Variants in VWC2 observed in about 807,000 individuals in gnomAD.
VWC2 encodes the protein brorin.
A neutral mutation model predicts 29.8 loss-of-function variants in VWC2; 14 were observed. The ratio of observed to expected loss-of-function variants is 0.47; its 90% CI spans 0.31 to 0.74. The LOEUF (loss-of-function observed/expected upper bound fraction) is 0.74. Among genes scored for constraint, VWC2 ranks in the 30% least tolerant of loss-of-function variants. The probability of loss-of-function intolerance (pLI) is 0.05; values close to 1 mark genes in which losing one functional copy is unlikely to be tolerated. For synonymous variants in VWC2, 213 were observed against 199.0 expected, an observed-to-expected ratio of 1.07 and a Z score of -0.59; for missense variants, 457 against 459.8, an observed-to-expected ratio of 0.99 and a Z score of 0.05.
chr7:49,804,285 C>G (rs1323736646), intron 3 of VWC2, among the ~76,000 whole-genome samples: 1 of 151,214 alleles, frequency 6.6e-6, no homozygotes, highest in African/African-American at 2.4e-5. Context: ...GAAGAAGACT[C>G]TGGGATTGGG....
intron 2 of VWC2, among the ~76,000 whole-genome samples, chr7:49,793,587 T>C (rs1316119297): frequency 6.6e-6 from 1 of 152,238 alleles, no homozygotes; most frequent in Admixed American, 6.5e-5. Context: ...GCAACTTTTT[T>C]TTCCTGTTTA....
In VWC2 at chr7:49,879,439, A is replaced by G. The variant is rs564368379; in HGVS notation, c.827-32595A>G. On this transcript the variant is annotated intron_variant, in intron 3 of 3. Transcript: ENST00000340652. ...TTATCCGGAGAGGGTTTATATGTGC[A>G]GGTACCAGACAGCATGCCATGTAAT... Among the ~76,000 whole-genome samples, 82 of 152,320 alleles carry G rather than the reference A, an allele frequency of 5.4e-4. 1 individual carries two copies. The South Asian group carries it at 0.017, about 31-fold the overall frequency.
intron 3 of VWC2, among the ~76,000 whole-genome samples, chr7:49,863,705 A>G (rs954192649): frequency 1.3e-5 from 2 of 152,178 alleles, no homozygotes; most frequent in African/African-American, 2.4e-5. Flanking sequence ...TGCTGGGATT[A>G]GAGACGTGAG....
intron 3 of VWC2, among the ~76,000 whole-genome samples, chr7:49,859,544 C>T (rs1045573720): frequency 4.6e-5 from 7 of 152,172 alleles, no homozygotes. Flanking sequence ...CAATGGGACC[C>T]TCAGTACATC....
chr7:49,917,745 T>A lies in VWC2; in HGVS notation c.*5560T>A, dbSNP rs1370292896. On this transcript the variant is annotated 3_prime_UTR_variant, in exon 4 of 4. Coordinates refer to ENST00000340652, the MANE Select transcript of VWC2 (RefSeq NM_198570.5). ...TTAAAGTGTATTTAGATGATTAATA[T>A]TTAATGATCATTATTTTATTTAATG... 2.0e-5 allele frequency: 3 copies of A among 152,206 alleles called. No individual in the cohort carries two copies. The highest frequency in any genetic ancestry group is 6.5e-5 in the Admixed American group (1 of 15,282). 9.4% of individuals were successfully genotyped at this position (152,206 alleles called of 1,614,324 possible).
Position 49,913,558 on chromosome 7 carries a change from T to C in VWC2, c.*1373T>C, listed in dbSNP as rs1450337758. On this transcript the variant is annotated 3_prime_UTR_variant, in exon 4 of 4. Coordinates refer to ENST00000340652, the MANE Select transcript of VWC2 (RefSeq NM_198570.5). ...TCTAAAGGTATTTTTCATATTTTTG[T>C]TTATTCTGAAATTTTGCATTAAGAA... The C allele has an allele frequency of 6.6e-6, 1 of 152,200 alleles. No homozygotes were observed. Among genetic ancestry groups the C allele is most frequent in the Non-Finnish European group, 1.5e-5 (1 of 68,038 alleles). 9.4% of individuals were successfully genotyped at this position (152,200 alleles called of 1,614,324 possible). A position where few individuals can be genotyped will look rare whatever the true frequency, so the allele number is the denominator to read the frequency against.
intron 3 of VWC2, among the ~76,000 whole-genome samples, chr7:49,804,333 T>C (rs1000689917): frequency 6.6e-6 from 1 of 152,122 alleles, no homozygotes; most frequent in South Asian, 2.1e-4. Flanking sequence ...AGAGTCTCGG[T>C]GTGGCTTTCA....
chr7:49,866,094 C>T (rs1400133627), intron 3 of VWC2, among the ~76,000 whole-genome samples: 1 of 152,156 alleles, frequency 6.6e-6, no homozygotes, highest in Non-Finnish European at 1.5e-5. Flanking sequence ...CGGTTTCATT[C>T]TTCCATCCAG....
chr7:49,866,187 A>G (rs986004025), intron 3 of VWC2, among the ~76,000 whole-genome samples: 2 of 152,254 alleles, frequency 1.3e-5, no homozygotes, highest in South Asian at 2.1e-4. Flanking sequence ...TCACTTGCTT[A>G]TCTTATCAGA....
chr7:49,900,980 C>T (rs1459932747), intron 3 of VWC2: 2 of 151,750 alleles, frequency 1.3e-5, no homozygotes, highest in African/African-American at 4.8e-5. Context: ...GAAGAAAAAT[C>T]ACGATGATAT....
chr7:49,895,686 GTCTC>G (rs1213688102), intron 3 of VWC2, among the ~76,000 whole-genome samples: 3 of 151,870 alleles, frequency 2.0e-5, no homozygotes, highest in Admixed American at 6.6e-5. Flanking sequence ...TGGACTAATA[GTCTC>G]TCTGAGTCTC....
chr7:49,872,131 C>T (rs1284415043), intron 3 of VWC2, among the ~76,000 whole-genome samples: 1 of 151,848 alleles, frequency 6.6e-6, no homozygotes, highest in Non-Finnish European at 1.5e-5. Context: ...ATATGGAAAG[C>T]AATTAAAAAT....
chr7:49,789,454 TACAC>T lies in VWC2; in HGVS notation c.697-13254_697-13251del, dbSNP rs1234850677. On this transcript the variant is annotated intron_variant, in intron 2 of 3. Transcript: ENST00000340652. ...GGCCACAGTCCCCACCACTCCTTAT[TACAC>T]ACTTAGTTCATGGCCTCATTTTCTT... 4.6e-5 allele frequency among the ~76,000 whole-genome samples: 7 copies of T among 152,190 alleles called. No individual in the cohort carries two copies. In the East Asian group the frequency reaches 1.4e-3, roughly 29 times the overall value.
chr7:49,819,655 G>A (rs1326411001), intron 3 of VWC2, among the ~76,000 whole-genome samples: 1 of 152,192 alleles, frequency 6.6e-6, no homozygotes, highest in East Asian at 1.9e-4. Flanking sequence ...TTCTCAAAGA[G>A]GTGGCTTTGA....
intron 3 of VWC2, among the ~76,000 whole-genome samples, chr7:49,904,684 C>T (rs1792984240): frequency 6.6e-6 from 1 of 151,616 alleles, no homozygotes; most frequent in African/African-American, 2.4e-5. Flanking sequence ...AGTAACTTTA[C>T]ATCATAACTA....
intron 3 of VWC2, among the ~76,000 whole-genome samples, chr7:49,901,919 A>G (rs1392374976): frequency 6.6e-6 from 1 of 151,946 alleles, no homozygotes; most frequent in Non-Finnish European, 1.5e-5. Flanking sequence ...TAACAGAGTA[A>G]ACATAGTACA....
intron 2 of VWC2, among the ~76,000 whole-genome samples, chr7:49,788,783 AGT>A (rs1439051888): frequency 7.1e-5 from 9 of 126,250 alleles, no homozygotes; most frequent in African/African-American, 2.5e-4. Context: ...GGTGTGTATG[AGT>A]GTGGGTGAGT....
At chr7:49,788,188 G>A (rs867839195) in intron 2 of VWC2, among the ~76,000 whole-genome samples, 50 of 152,292 alleles carry the variant, frequency 3.3e-4, no homozygotes, top group South Asian at 2.1e-3. Flanking sequence ...CACTTCCTGG[G>A]TAATTGGCAG....
rs1264928733 is a variant in VWC2 at position 49,775,801 on chromosome 7, C to T, written c.366C>T (p.Ala122=). 7.8e-6 allele frequency: 12 copies of T among 1,536,332 alleles called. No individual in the cohort carries two copies. The highest frequency in any genetic ancestry group is 1.4e-5 in the African/African-American group (1 of 72,372). ...GCGGGGACACCCCGCAGGCGGAAGC[C>T]CTGGCCGCAGCCGCCCAGGACGCGA... The part of the protein sequence containing the change: ...RPRGDTPQAE[A]LAAAAQDAIG... Residue 122 remains alanine, a synonymous_variant, in exon 2 of 4, where the codon GCC becomes GCT. Coordinates refer to ENST00000340652, the MANE Select transcript of VWC2 (RefSeq NM_198570.5).
Sources: allele counts gnomAD v4.1 joint callset (sites outside exome capture counted in the v4.1 genomes callset), GRCh38; gene constraint gnomAD v4.1.1; transcripts MANE v1.5; gene names NCBI Gene and HGNC (gene_info 2026-07-23, HGNC 2026-07-21).